Variants in MCF2L2 observed in about 807,000 individuals in gnomAD.
MCF2L2 encodes the protein probable guanine nucleotide exchange factor MCF2L2.
A neutral mutation model predicts 150.2 loss-of-function variants in MCF2L2; 102 were observed. The observed-to-expected ratio is 0.68, with a 90% confidence interval of 0.58 to 0.80. MCF2L2 has a LOEUF of 0.80. MCF2L2 is among the 30% of genes least tolerant of loss of function. The pLI is 0.00. For missense variants in MCF2L2, 1,256 were observed against 1,372.8 expected, an observed-to-expected ratio of 0.91 and a Z score of 1.34; for synonymous variants, 465 against 491.3, an observed-to-expected ratio of 0.95 and a Z score of 0.71.
intron 15 of MCF2L2, among the ~76,000 whole-genome samples, chr3:183,262,629 A>G (rs140996846): frequency 6.7e-6 from 1 of 149,748 alleles, no homozygotes; most frequent in Non-Finnish European, 1.5e-5. Flanking sequence ...GCCCATGAGG[A>G]GGCGGCCCAG....
chr3:183,385,318 G>A (rs1713768610), intron 2 of MCF2L2, among the ~76,000 whole-genome samples: 1 of 152,160 alleles, frequency 6.6e-6, no homozygotes, highest in African/African-American at 2.4e-5. Flanking sequence ...TCACCTCCCA[G>A]GTTTCAGGTC....
chr3:183,418,256 TG>T (rs1258963818), intron 1 of MCF2L2, among the ~76,000 whole-genome samples: 8 of 152,126 alleles, frequency 5.3e-5, no homozygotes, highest in African/African-American at 1.9e-4. Context: ...GAGAACAGCA[TG>T]GAGGAAACCA....
intron 15 of MCF2L2, among the ~76,000 whole-genome samples, chr3:183,244,249 T>C (rs571920142): frequency 3.3e-5 from 5 of 151,958 alleles, no homozygotes; most frequent in Admixed American, 2.6e-4. Flanking sequence ...ACTAGATCTT[T>C]CTCCAGTGCT....
At chr3:183,369,270 G>C (rs77225713) in intron 3 of MCF2L2, among the ~76,000 whole-genome samples, 6,088 of 152,114 alleles carry the variant, frequency 0.04, 345 homozygotes, top group African/African-American at 0.12. Context: ...GGCTTTCACA[G>C]AAACCAGCCC....
At chr3:183,389,902 CACA>C in intron 1 of MCF2L2, 123 bp from the exon 2 acceptor site, 4 of 715,356 alleles carry the variant, frequency 5.6e-6, no homozygotes, top group South Asian at 1.6e-5. Flanking sequence ...ACGGTGCTGG[CACA>C]ACATTCCCTT....
At chr3:183,202,299 G>A (rs146577565) in intron 25 of MCF2L2, among the ~76,000 whole-genome samples, 140 of 152,288 alleles carry the variant, frequency 9.2e-4, no homozygotes, top group African/African-American at 3.2e-3. Context: ...TTGGTTGCTC[G>A]AGGTATTGGC....
intron 3 of MCF2L2, among the ~76,000 whole-genome samples, chr3:183,361,264 G>T (rs1248375783): frequency 6.6e-6 from 1 of 152,188 alleles, no homozygotes; most frequent in Non-Finnish European, 1.5e-5. Flanking sequence ...GCTGTTGTTT[G>T]TCCTTGTTGC....
At chr3:183,185,524 A>G (rs1721663626) in intron 27 of MCF2L2, among the ~76,000 whole-genome samples, 1 of 152,242 alleles carries the variant, frequency 6.6e-6, no homozygotes, top group African/African-American at 2.4e-5. Context: ...AATCCATCCA[A>G]AGAGATGGAG....
intron 5 of MCF2L2, among the ~76,000 whole-genome samples, chr3:183,335,527 G>C (rs1217264810): frequency 6.6e-6 from 1 of 152,080 alleles, no homozygotes; most frequent in African/African-American, 2.4e-5. Flanking sequence ...GAGGTGATTA[G>C]GTTATGAGGG....
intron 5 of MCF2L2, 111 bp downstream of exon 5, chr3:183,338,689 C>G (rs776691773): frequency 5.2e-4 from 586 of 1,137,372 alleles, no homozygotes; most frequent in Admixed American, 5.4e-4. Context: ...CCCAGAGAAC[C>G]CTTTTCTCCC....
intron 15 of MCF2L2, among the ~76,000 whole-genome samples, chr3:183,269,322 G>C (rs1278699928): frequency 1.4e-5 from 2 of 140,272 alleles, no homozygotes; most frequent in Non-Finnish European, 3.0e-5. Context: ...CCCTTTTCCT[G>C]TCCTCCTTTA....
chr3:183,202,426 C>T (rs964451127), intron 25 of MCF2L2, among the ~76,000 whole-genome samples: 1 of 152,208 alleles, frequency 6.6e-6, no homozygotes, highest in Admixed American at 6.5e-5. Context: ...GAAGACCATG[C>T]ACACATTTCC....
intron 15 of MCF2L2, among the ~76,000 whole-genome samples, chr3:183,245,866 T>C (rs1470678912): frequency 6.6e-6 from 1 of 152,244 alleles, no homozygotes; most frequent in Non-Finnish European, 1.5e-5. Context: ...TCAGGTAATC[T>C]GCCTTCTCTT....
intron 27 of MCF2L2, among the ~76,000 whole-genome samples, chr3:183,192,218 C>T (rs567987669): frequency 5.3e-5 from 8 of 151,956 alleles, no homozygotes; most frequent in Non-Finnish European, 8.8e-5. Flanking sequence ...TCGCTCACTG[C>T]AACCTCCGCC....
intron 1 of MCF2L2, among the ~76,000 whole-genome samples, chr3:183,391,547 T>C (rs1714152499): frequency 6.6e-6 from 1 of 152,184 alleles, no homozygotes. Context: ...AGTGAAATGA[T>C]ATGAAGTCTG....
At chr3:183,291,572 C>G (rs1728146872) in intron 13 of MCF2L2, among the ~76,000 whole-genome samples, 1 of 152,200 alleles carries the variant, frequency 6.6e-6, no homozygotes. Flanking sequence ...AGCTGAAATT[C>G]CAGCTCTTAA....
chr3:183,263,299 C>T (rs1034869649), intron 15 of MCF2L2, among the ~76,000 whole-genome samples: 1 of 152,104 alleles, frequency 6.6e-6, no homozygotes, highest in African/African-American at 2.4e-5. Context: ...TTCACTGTTG[C>T]TTTTCTTCCT....
At chr3:183,204,022 A>T (rs1382019483) in intron 25 of MCF2L2, among the ~76,000 whole-genome samples, 1 of 152,234 alleles carries the variant, frequency 6.6e-6, no homozygotes, top group East Asian at 1.9e-4. Context: ...AAGTGGGGAA[A>T]GAATAGTCTT....
chr3:183,385,965 G>C (rs1713808026), intron 2 of MCF2L2, among the ~76,000 whole-genome samples: 1 of 152,202 alleles, frequency 6.6e-6, no homozygotes, highest in African/African-American at 2.4e-5. Flanking sequence ...TGAATCAAGA[G>C]TTGACAAATA....
Sources: allele counts gnomAD v4.1 joint callset (sites outside exome capture counted in the v4.1 genomes callset), GRCh38; gene constraint gnomAD v4.1.1; transcripts MANE v1.5; gene names NCBI Gene and HGNC (gene_info 2026-07-23, HGNC 2026-07-21).